Variants in ESPN observed in about 807,000 individuals in gnomAD.
The protein encoded by ESPN is espin, also known as autosomal recessive deafness type 36 protein.
A neutral mutation model predicts 77.7 loss-of-function variants in ESPN; 68 were observed. That is an observed-to-expected ratio of 0.87 (90% confidence interval 0.72 to 1.07). The LOEUF is 1.07. ESPN is among the 50% of genes least tolerant of loss of function. The probability of loss-of-function intolerance (pLI) is 0.00; values close to 1 mark genes in which losing one functional copy is unlikely to be tolerated. For missense variants in ESPN, 1,060 were observed against 1,239.0 expected, an observed-to-expected ratio of 0.86 and a Z score of 2.17; for synonymous variants, 449 against 567.1, an observed-to-expected ratio of 0.79 and a Z score of 2.96.
In ESPN at chr1:6,425,259, C is replaced by A. The variant is rs1193036330; in HGVS notation, c.294+10C>A. On this transcript the variant is annotated intron_variant, in intron 1 of 12. Transcript: ENST00000645284. ...CGGCTGCAGAGTGCAGGTGGGTCCG[C>A]GCGGTTCGCCAGGGGCACTGAGGCT... 1 of 1,567,528 alleles carries A rather than the reference C, an allele frequency of 6.4e-7. No homozygotes were observed.
Position 6,451,886 on chromosome 1 carries a change from C to T in ESPN, c.2115C>T (p.Pro705=). ...CTGCACTGTCACCAGTCCGGAGCCC[C>T]ACACCGCCAGCTGCGGGGTTTCAGC... The part of the protein sequence containing the change: ...VSPALSPVRS[P]TPPAAGFQPL... The change falls in exon 10 of 13, where the codon CCC becomes CCT. Residue 705 remains proline (P), a synonymous_variant. Transcript: ENST00000645284. This position sits in a 1 kb window ranked among gnomAD's most constrained non-coding sequence, Gnocchi z 4.3. The T allele has an allele frequency of 6.2e-7, 1 of 1,611,312 alleles. No homozygotes were observed. The highest frequency in any genetic ancestry group is 1.3e-5 in the African/African-American group (1 of 75,014).
chr1:6,445,720 G>A lies in ESPN; in HGVS notation c.1249G>A (p.Glu417Lys). The A allele has an allele frequency of 6.2e-7, 1 of 1,611,830 alleles. No homozygotes were observed. Among genetic ancestry groups the A allele is most frequent in the Non-Finnish European group, 8.5e-7 (1 of 1,179,756 alleles). ...IQSYMDMLNP[E>K]LGLPRGTIGK... ...GAGCTACATGGACATGCTGAACCCG[G>A]AGCTGGGCCTGCCTCGGGGCACGAT... Residue 417 changes from glutamate to lysine, a missense_variant, in exon 7 of 13, where the codon GAG becomes AAG. By Grantham distance (56) the Glu-to-Lys change is moderately conservative (BLOSUM62 1). Transcript: ENST00000645284.
intron 1 of ESPN, among the ~76,000 whole-genome samples, chr1:6,425,583 G>C (rs1159970887): frequency 6.6e-6 from 1 of 152,260 alleles, no homozygotes; most frequent in Non-Finnish European, 1.5e-5. Flanking sequence ...TGGGACGTGA[G>C]GCCTGGGCAG....
intron 10 of ESPN, chr1:6,454,690 G>A: frequency 2.5e-6 from 1 of 398,718 alleles, no homozygotes; most frequent in African/African-American, 2.1e-5. Flanking sequence ...GTCGATCCGC[G>A]CCGAATGCAT....
At chr1:6,434,415 G>C (rs1317499983) in intron 2 of ESPN, among the ~76,000 whole-genome samples, 1 of 152,120 alleles carries the variant, frequency 6.6e-6, no homozygotes, top group Non-Finnish European at 1.5e-5. Flanking sequence ...TGTCTTCCCG[G>C]CTCTGTATGC....
intron 4 of ESPN, 57 bp downstream of exon 4, chr1:6,440,865 A>C (rs1453277950): frequency 1.3e-6 from 2 of 1,506,732 alleles, no homozygotes; most frequent in African/African-American, 2.8e-5. Flanking sequence ...CGCTTTCAGC[A>C]CGGCCCTGCC....
chr1:6,445,200 A>G (rs1354325299), intron 6 of ESPN, among the ~76,000 whole-genome samples: 1 of 152,236 alleles, frequency 6.6e-6, no homozygotes, highest in Non-Finnish European at 1.5e-5. Flanking sequence ...AAACATACAC[A>G]AATGCACGAT....
Position 6,451,509 on chromosome 1 carries a change from C to T in ESPN, c.1916-94C>T. On this transcript the variant is annotated intron_variant, in intron 8 of 12. Transcript: ENST00000645284. The surrounding 1 kb of genome is among the most constrained non-coding windows in gnomAD (Gnocchi z 4.3). ...CCCGGAGGATGGGCACCCATCCAAT[C>T]TTGGCTTAGGAAAGGGGCTGCAGAG... The T allele has an allele frequency of 6.5e-7, 1 of 1,530,526 alleles. No homozygotes were observed. Among genetic ancestry groups the T allele is most frequent in the South Asian group, 1.2e-5 (1 of 84,138 alleles). 94.8% of individuals were successfully genotyped at this position (1,530,526 alleles called of 1,614,324 possible). A position where few individuals can be genotyped will look rare whatever the true frequency, so the allele number is the denominator to read the frequency against.
At position 6,455,805 on chromosome 1, in the gene ESPN, G is replaced by C. The variant is rs1644045110; in HGVS notation, c.2326-1379G>C. The C allele has an allele frequency of 1.0e-5, 4 of 398,970 alleles. No homozygotes were observed. The East Asian group carries it at 1.4e-4, about 14-fold the overall frequency. The allele number at this position is 398,970 out of a possible 1,614,324, so 24.7% of individuals were successfully genotyped here. ...CGTGGTGCTGGAGGAGGTGGAGGCC[G>C]GCCGGCGCGGCTGGAGCGACGGCTT... On this transcript the variant is annotated intron_variant, in intron 10 of 12. Transcript: ENST00000645284.
intron 5 of ESPN, among the ~76,000 whole-genome samples, chr1:6,441,840 A>G (rs1479423735): frequency 6.7e-6 from 1 of 149,090 alleles, no homozygotes; most frequent in Admixed American, 6.6e-5. Flanking sequence ...TGCCCTGAGC[A>G]CCGTCTGTCC....
Position 6,437,968 on chromosome 1 carries a change from C to T in ESPN, c.489-2286C>T, listed in dbSNP as rs1296719294. 6.6e-6 allele frequency among the ~76,000 whole-genome samples: 1 copy of T among 151,164 alleles called. No homozygotes were observed. The highest frequency in any genetic ancestry group is 1.5e-5 in the Non-Finnish European group (1 of 67,862). On this transcript the variant is annotated intron_variant, in intron 2 of 12. Transcript: ENST00000645284. The surrounding 1 kb of genome is among the most constrained non-coding windows in gnomAD (Gnocchi z 4.5). ...GGGCAAAGGGGGGTAGCCTGGTGCC[C>T]ATTGATGGGCAGGCAACAAGCGGAT...
chr1:6,445,877 T>A lies in ESPN; in HGVS notation c.1406T>A (p.Ile469Asn), dbSNP rs1643817844. ...KPPVGPQAAD[I>N]YMQTKNKLRH... is the part of the protein sequence containing the mutation. ...CCTGTAGGACCACAGGCAGCTGACA[T>A]CTACATGCAGACCAAGAACAAACTC... Residue 469 changes from isoleucine to asparagine, a missense_variant, in exon 7 of 13, where the codon ATC becomes AAC. This residue lies in a region of ESPN where 130 missense variants were observed against 223.9 expected (regional missense o/e 0.58). Transcript: ENST00000645284. 1.9e-6 allele frequency: 3 copies of A among 1,610,324 alleles called. No individual in the cohort carries two copies. The highest frequency in any genetic ancestry group is 1.7e-6 in the Non-Finnish European group (2 of 1,179,150).
chr1:6,433,642 T>C (rs1413677495), intron 2 of ESPN, among the ~76,000 whole-genome samples: 4 of 150,040 alleles, frequency 2.7e-5, no homozygotes, highest in Non-Finnish European at 5.9e-5. Context: ...ATCACAGGCT[T>C]CTGACCACTG....
chr1:6,434,184 T>A (rs919223377), intron 2 of ESPN, among the ~76,000 whole-genome samples: 3 of 152,230 alleles, frequency 2.0e-5, no homozygotes, highest in Non-Finnish European at 2.9e-5. Flanking sequence ...ATTACAGGCA[T>A]GAGCCACTGC....
rs781386845 is a variant in ESPN, at chr1:6,452,025, G to A, written c.2254G>A (p.Glu752Lys). 43 of 1,591,646 alleles carry A rather than the reference G, an allele frequency of 2.7e-5. No homozygotes were observed. Among genetic ancestry groups the A allele is most frequent in the African/African-American group, 4.0e-5 (3 of 74,376 alleles). The change falls in exon 10 of 13, where the codon GAG (glutamate) becomes AAG (lysine). Residue 752 changes from glutamate (E) to lysine (K), a missense_variant. Around this residue, in one of 3 missense-constraint regions of ESPN, gnomAD observed 374 missense variants for 381.4 expected, o/e 0.98. Coordinates refer to ENST00000645284, the MANE Select transcript of ESPN (RefSeq NM_031475.3). ...THDEQGRPIP[E>K]WKRQVMVRKM... ...CGATGAGCAGGGCCGGCCCATCCCC[G>A]AGTGGAAGCGCCAGGTGATGGTGCG...
chr1:6,456,574 G>A (rs1185812646), intron 10 of ESPN: 4 of 181,022 alleles, frequency 2.2e-5, no homozygotes, highest in Non-Finnish European at 4.6e-5. Context: ...CTTGGCTGAG[G>A]TCAAGGGTGC....
rs1244666137 is a variant in ESPN, at chr1:6,458,323, C to CT, written c.2417+960dup. 3.9e-3 allele frequency among the ~76,000 whole-genome samples: 574 copies of CT among 145,736 alleles called. 3 individuals carry two copies. The highest frequency in any genetic ancestry group is 0.013 in the African/African-American group (509 of 39,372). On this transcript the variant is annotated intron_variant, in intron 12 of 12. Transcript: ENST00000645284. ...ATGAGCCACCAAGTCTGGCTTTTTT[C>CT]TTTTTTTTTGAGACAGAGTTTTGCT...
At chr1:6,461,090 A>C (rs2986758), downstream of ESPN, 109,087 of 527,220 alleles carry the variant, frequency 0.21, 17,891 homozygotes, top group African/African-American at 0.66. This position sits in a 1 kb window ranked among gnomAD's most constrained non-coding sequence, Gnocchi z 6.3. Flanking sequence ...TCCCCTTCGA[A>C]TCCCTCGAGA....
intron 2 of ESPN, among the ~76,000 whole-genome samples, chr1:6,432,712 G>A (rs1265806598): frequency 6.6e-6 from 1 of 152,248 alleles, no homozygotes; most frequent in Non-Finnish European, 1.5e-5. Flanking sequence ...GCTCAGCTGG[G>A]CCATGGGAGC....
Sources: gnomAD v4.1 joint callset for allele counts (sites outside exome capture counted in the v4.1 genomes callset) on GRCh38, gnomAD v4.1.1 for gene constraint, gnomAD v4.1.1 regional missense constraint, Gnocchi (gnomAD v3.1) non-coding constraint, MANE v1.5 for transcripts, NCBI Gene and HGNC (gene_info 2026-07-23, HGNC 2026-07-21) for gene names.